MGST2: variants seen among roughly 807,000 people sequenced by gnomAD.
The protein encoded by MGST2 is microsomal glutathione S-transferase 2.
MGST2 carries 9 observed loss-of-function variants against 16.6 expected under a neutral mutation model. The observed-to-expected ratio is 0.54, with a 90% CI of 0.33 to 0.95. The LOEUF (loss-of-function observed/expected upper bound fraction) is 0.95. Ranked by LOEUF, MGST2 falls within the 40% of genes least tolerant of loss-of-function variation. The pLI, the probability that MGST2 is intolerant of heterozygous loss-of-function variation, is 0.03. For missense variants in MGST2, 159 were observed against 175.1 expected, an observed-to-expected ratio of 0.91 and a Z score of 0.52; for synonymous variants, 79 against 68.0, an observed-to-expected ratio of 1.16 and a Z score of -0.79.
At position 139,736,423 on chromosome 4, in the gene MGST2, G is replaced by A. The variant is rs1045574568; in HGVS notation, c.*49-3789G>A. ...ACAGGATGAATCGAACACCCACGATGGCTAGACAGAGGCGCCTGGCTGTGA... is the reference window on the plus strand; with the variant it reads ...ACAGGATGAATCGAACACCCACGATAGCTAGACAGAGGCGCCTGGCTGTGA... On this transcript the variant is annotated intron_variant, in intron 5 of 5. Transcript: ENST00000616265. 3.9e-5 allele frequency among the ~76,000 whole-genome samples: 6 copies of A among 152,266 alleles called. No homozygotes were observed. The East Asian group carries it at 1.2e-3, about 29-fold the overall frequency.
intron 3 of MGST2, among the ~76,000 whole-genome samples, chr4:139,696,068 T>G (rs1422937314): frequency 6.6e-6 from 1 of 152,214 alleles, no homozygotes; most frequent in Non-Finnish European, 1.5e-5. Flanking sequence ...GTTATTAAAA[T>G]TATAAGTAAG....
chr4:139,753,046 G>A, the MGST2 span, among the ~76,000 whole-genome samples: 477 of 152,264 alleles, frequency 3.1e-3, 2 homozygotes, highest in African/African-American at 0.011. Flanking sequence ...ACTTATGACC[G>A]TCTTGAATCC....
At chr4:139,731,796 C>T (rs896015803) in intron 5 of MGST2, among the ~76,000 whole-genome samples, 5 of 152,148 alleles carry the variant, frequency 3.3e-5, no homozygotes, top group African/African-American at 1.2e-4. Flanking sequence ...CAGGTGACTA[C>T]ATGGAGAATG....
At chr4:139,693,261 C>T (rs866514842) in intron 2 of MGST2, among the ~76,000 whole-genome samples, 3 of 151,786 alleles carry the variant, frequency 2.0e-5, no homozygotes, top group Admixed American at 1.3e-4. Flanking sequence ...AAAAATTAGC[C>T]GGGCGCGGTG....
At chr4:139,671,994 A>T (rs1730717123) in intron 1 of MGST2, among the ~76,000 whole-genome samples, 1 of 152,032 alleles carries the variant, frequency 6.6e-6, no homozygotes, top group African/African-American at 2.4e-5. Flanking sequence ...GAGGCCCCTC[A>T]CCTGAGAGAA....
chr4:139,730,879 G>A, intron 5 of MGST2: 3 of 591,046 alleles, frequency 5.1e-6, no homozygotes, highest in Non-Finnish European at 9.0e-6. Context: ...CAGTAAGAGA[G>A]CATGGCTCTG....
chr4:139,678,120 A>T (rs1447355102), intron 1 of MGST2, among the ~76,000 whole-genome samples: 2 of 152,188 alleles, frequency 1.3e-5, no homozygotes, highest in Admixed American at 6.5e-5. Context: ...TATGAAATAA[A>T]TGTGTGTGAT....
chr4:139,692,528 G>A (rs1465653240), intron 2 of MGST2, among the ~76,000 whole-genome samples: 2 of 152,326 alleles, frequency 1.3e-5, no homozygotes, highest in East Asian at 3.9e-4. Flanking sequence ...CTGTGGCAGA[G>A]GGAGATTAAG....
chr4:139,751,227 T>C, the MGST2 span, among the ~76,000 whole-genome samples: 1 of 152,238 alleles, frequency 6.6e-6, no homozygotes, highest in Non-Finnish European at 1.5e-5. Flanking sequence ...GAGACTACTA[T>C]GATACTTAAA....
chr4:139,750,365 T>C, the MGST2 span, among the ~76,000 whole-genome samples: 4 of 152,200 alleles, frequency 2.6e-5, no homozygotes, highest in Admixed American at 6.5e-5. Context: ...AGAGGCCTCC[T>C]AGGCGGTGGG....
At chr4:139,711,860 C>T (rs1727756482) in intron 5 of MGST2, among the ~76,000 whole-genome samples, 1 of 152,106 alleles carries the variant, frequency 6.6e-6, no homozygotes, top group Non-Finnish European at 1.5e-5. Flanking sequence ...AAAGATCCAT[C>T]TTCTGTAACT....
chr4:139,693,404 C>CA (rs55723907), intron 2 of MGST2, among the ~76,000 whole-genome samples: 14,242 of 65,832 alleles, frequency 0.22, 1,169 homozygotes, highest in Non-Finnish European at 0.26. Context: ...GACTACGTCT[C>CA]AAAAAAAAAA....
At position 139,673,165 on chromosome 4, in the gene MGST2, A is replaced by G. The variant is rs8192037; in HGVS notation, c.59-5378A>G. On this transcript the variant is annotated intron_variant, in intron 1 of 4. Coordinates refer to ENST00000265498, the MANE Select transcript of MGST2 (RefSeq NM_002413.5). ...GTACTAAAACAAGTCAGACAAGGAG[A>G]TAGTGGGGGAGACAACTGGTAAGGA... 4.6e-5 allele frequency among the ~76,000 whole-genome samples: 7 copies of G among 152,318 alleles called. No homozygotes were observed. In the East Asian group the frequency reaches 5.8e-4, roughly 13 times the overall value.
intron 5 of MGST2, among the ~76,000 whole-genome samples, chr4:139,736,988 T>C (rs1219318281): frequency 6.6e-6 from 1 of 152,186 alleles, no homozygotes; most frequent in Non-Finnish European, 1.5e-5. Context: ...AACCCAAGAA[T>C]TCTGAAAGGA....
downstream of MGST2, among the ~76,000 whole-genome samples, chr4:139,706,196 A>C (rs1392584976): frequency 1.3e-5 from 2 of 152,198 alleles, no homozygotes; most frequent in Non-Finnish European, 2.9e-5. Flanking sequence ...CACTGAGAAT[A>C]TACTGGCCTG....
At chr4:139,697,291 A>T (rs1201028526) in intron 3 of MGST2, among the ~76,000 whole-genome samples, 1 of 152,014 alleles carries the variant, frequency 6.6e-6, no homozygotes, top group African/African-American at 2.4e-5. Flanking sequence ...TTACTAATAA[A>T]TGTCCTTTGT....
downstream of MGST2, among the ~76,000 whole-genome samples, chr4:139,707,968 A>T (rs1334999842): frequency 6.6e-6 from 1 of 152,022 alleles, no homozygotes; most frequent in East Asian, 1.9e-4. Context: ...CCTTTGTCAG[A>T]TGAGTAGGTT....
At chr4:139,722,002 G>T (rs1354929324) in intron 5 of MGST2, among the ~76,000 whole-genome samples, 1 of 152,142 alleles carries the variant, frequency 6.6e-6, no homozygotes, top group Non-Finnish European at 1.5e-5. Context: ...GAGATTGATT[G>T]GATAGACCCA....
chr4:139,708,536 G>T (rs2110920420), downstream of MGST2, among the ~76,000 whole-genome samples: 1 of 152,272 alleles, frequency 6.6e-6, no homozygotes, highest in African/African-American at 2.4e-5. Flanking sequence ...GGATTGACTT[G>T]GTGATGTGGG....
Sources: gnomAD v4.1 joint callset for allele counts (sites outside exome capture counted in the v4.1 genomes callset) on GRCh38, gnomAD v4.1.1 for gene constraint, MANE v1.5 for transcripts, NCBI Gene and HGNC (gene_info 2026-07-23, HGNC 2026-07-21) for gene names.